Variants in COL19A1 observed in about 807,000 individuals in gnomAD.
COL19A1 encodes collagen alpha-1(XIX) chain.
In COL19A1, 159 loss-of-function variants were observed where a neutral mutation model predicts 190.2. The ratio of observed to expected loss-of-function variants is 0.84; its 90% confidence interval spans 0.73 to 0.95. The LOEUF is 0.95. Among genes scored for constraint, COL19A1 ranks in the 40% least tolerant of loss-of-function variants. The pLI, the probability that COL19A1 is intolerant of heterozygous loss-of-function variation, is 0.00. For synonymous variants in COL19A1, 509 were observed against 458.9 expected, an observed-to-expected ratio of 1.11 and a Z score of -1.39; for missense variants, 1,418 against 1,431.9, an observed-to-expected ratio of 0.99 and a Z score of 0.16.
At chr6:69,942,506 C>A (rs1306504296) in intron 9 of COL19A1, among the ~76,000 whole-genome samples, 1 of 152,020 alleles carries the variant, frequency 6.6e-6, no homozygotes, top group African/African-American at 2.4e-5. Flanking sequence ...TATCTGTTAA[C>A]CAACTTCTCC....
At chr6:70,120,199 T>G (rs769580967) in intron 16 of COL19A1, among the ~76,000 whole-genome samples, 1 of 152,206 alleles carries the variant, frequency 6.6e-6, no homozygotes, top group Non-Finnish European at 1.5e-5. Flanking sequence ...TTCTAATAAT[T>G]AAGACCCTCT....
chr6:70,159,837 C>T (rs1000432687), intron 34 of COL19A1, among the ~76,000 whole-genome samples: 1 of 151,908 alleles, frequency 6.6e-6, no homozygotes, highest in Non-Finnish European at 1.5e-5. Context: ...GTATGGCAAT[C>T]CAGAAAGAAT....
intron 4 of COL19A1, among the ~76,000 whole-genome samples, chr6:69,913,458 G>A (rs1771093437): frequency 2.6e-5 from 4 of 152,152 alleles, no homozygotes; most frequent in African/African-American, 9.7e-5. Context: ...ATATATGTAT[G>A]ATAAACTCTG....
intron 11 of COL19A1, among the ~76,000 whole-genome samples, chr6:69,991,953 T>A (rs1377102060): frequency 1.3e-5 from 2 of 152,196 alleles, no homozygotes. Flanking sequence ...GCTTTTGTCA[T>A]CTTCATCATG....
rs183681254 is a variant in COL19A1, at chr6:70,028,328, A to G, written c.1080+4648A>G. 1.4e-4 allele frequency among the ~76,000 whole-genome samples: 21 copies of G among 152,248 alleles called. No homozygotes were observed. The East Asian group carries it at 3.9e-3, about 28-fold the overall frequency. On this transcript the variant is annotated intron_variant, in intron 12 of 50. Coordinates refer to ENST00000620364, the MANE Select transcript of COL19A1 (RefSeq NM_001858.6). ...AATTGAATGGGACCAAGAGCTAACA[A>G]TAGCTTGTGGACAAGTTACAGAAAG...
intron 11 of COL19A1, among the ~76,000 whole-genome samples, chr6:70,008,859 G>A (rs1027430554): frequency 2.0e-5 from 3 of 151,910 alleles, no homozygotes; most frequent in Non-Finnish European, 1.5e-5. Flanking sequence ...CCTTGAAAGA[G>A]TGGTTTAACA....
rs1007641293 is a variant in COL19A1 at position 70,211,134 on chromosome 6, A to G, written c.*3860A>G. 2.6e-5 allele frequency among the ~76,000 whole-genome samples: 4 copies of G among 152,172 alleles called. No individual in the cohort carries two copies. Among genetic ancestry groups the G allele is most frequent in the Non-Finnish European group, 5.9e-5 (4 of 67,984 alleles). On this transcript the variant is annotated 3_prime_UTR_variant, in exon 51 of 51. Coordinates refer to ENST00000620364, the MANE Select transcript of COL19A1 (RefSeq NM_001858.6). ...ACAATGTCTAAACTCTATGTTGCTC[A>G]GTGTACTTAAAATTTTACAGTTATA...
chr6:70,003,023 G>A (rs1423225128), intron 11 of COL19A1, among the ~76,000 whole-genome samples: 1 of 152,040 alleles, frequency 6.6e-6, no homozygotes, highest in Admixed American at 6.6e-5. Context: ...AGCATTAGGT[G>A]TTATATAAAT....
intron 49 of COL19A1, among the ~76,000 whole-genome samples, chr6:70,205,263 A>G (rs772211712): frequency 6.6e-6 from 1 of 152,226 alleles, no homozygotes; most frequent in Non-Finnish European, 1.5e-5. Context: ...TGGTGATTAC[A>G]TTGCCAATGT....
chr6:70,110,192 T>C (rs924868404), intron 16 of COL19A1, among the ~76,000 whole-genome samples: 1 of 152,178 alleles, frequency 6.6e-6, no homozygotes, highest in South Asian at 2.1e-4. Context: ...TCAGAATACC[T>C]TGAATGTGAC....
intron 37 of COL19A1, among the ~76,000 whole-genome samples, chr6:70,166,848 G>A (rs928383781): frequency 6.6e-5 from 10 of 151,890 alleles, no homozygotes; most frequent in African/African-American, 1.9e-4. Context: ...GAAAGTATTA[G>A]GGTTCAAATC....
intron 50 of COL19A1, 80 bp from the exon 51 acceptor site, chr6:70,207,067 G>C: frequency 1.2e-6 from 2 of 1,601,932 alleles, no homozygotes; most frequent in Non-Finnish European, 1.7e-6. Flanking sequence ...GTCAAGTCGA[G>C]TGATCCATGT....
chr6:70,194,845 T>C (rs1040307120), intron 48 of COL19A1, among the ~76,000 whole-genome samples: 2 of 152,106 alleles, frequency 1.3e-5, no homozygotes, highest in African/African-American at 4.8e-5. Context: ...CCTCCAGCTG[T>C]GGGAGAAAAG....
At chr6:69,896,962 C>T (rs937541597) in intron 2 of COL19A1, among the ~76,000 whole-genome samples, 9 of 152,058 alleles carry the variant, frequency 5.9e-5, no homozygotes, top group African/African-American at 2.2e-4. Context: ...TTTAGTGTTG[C>T]CTTTTGAGTA....
chr6:70,056,772 A>T (rs908887618), intron 14 of COL19A1, among the ~76,000 whole-genome samples: 1 of 152,152 alleles, frequency 6.6e-6, no homozygotes, highest in Non-Finnish European at 1.5e-5. Flanking sequence ...CTATATTTTT[A>T]AAACTTAAAA....
chr6:69,986,307 G>T (rs559634207), intron 11 of COL19A1, among the ~76,000 whole-genome samples: 21 of 150,334 alleles, frequency 1.4e-4, no homozygotes, highest in African/African-American at 4.9e-4. Context: ...AAATGTGAGG[G>T]ATTATATGTT....
intron 2 of COL19A1, among the ~76,000 whole-genome samples, chr6:69,893,046 A>G (rs1407634003): frequency 6.6e-6 from 1 of 152,240 alleles, no homozygotes; most frequent in Non-Finnish European, 1.5e-5. Flanking sequence ...CTCAATTATT[A>G]AAGGCCGTAA....
In COL19A1 at chr6:69,950,674, C is replaced by CCACACACA. The variant is rs56757599; in HGVS notation, c.937-9287_937-9280dup. On this transcript the variant is annotated intron_variant, in intron 9 of 50. Transcript: ENST00000620364. ...AAAGCATGAGATCACATGAATGCAG[C>CCACACACA]CACACACACACACACACACACACAC... Among the ~76,000 whole-genome samples, 588 of 136,242 alleles carry CCACACACA rather than the reference C, an allele frequency of 4.3e-3. 2 individuals are homozygous for CCACACACA. Among genetic ancestry groups the CCACACACA allele is most frequent in the African/African-American group, 0.012 (457 of 37,312 alleles). The allele number at this position is 136,242 out of a possible 152,430, so 89.4% of individuals were successfully genotyped here.
chr6:69,877,033 C>G (rs1768170909), intron 1 of COL19A1, among the ~76,000 whole-genome samples: 1 of 152,158 alleles, frequency 6.6e-6, no homozygotes, highest in African/African-American at 2.4e-5. Flanking sequence ...TTGGCACACA[C>G]AGAATACCAA....
Sources: gnomAD v4.1 joint callset for allele counts (sites outside exome capture counted in the v4.1 genomes callset) on GRCh38, gnomAD v4.1.1 for gene constraint, MANE v1.5 for transcripts, NCBI Gene and HGNC (gene_info 2026-07-23, HGNC 2026-07-21) for gene names.